Variants in CDH1 observed in about 807,000 individuals in gnomAD.
CDH1 encodes cadherin-1.
CDH1 carries 35 observed loss-of-function variants against 84.5 expected under a neutral mutation model. The observed-to-expected ratio is 0.41, with a 90% CI of 0.32 to 0.55. CDH1 has a LOEUF of 0.55. Among genes scored for constraint, CDH1 ranks in the 20% least tolerant of loss-of-function variants. The pLI is 0.19. For missense variants in CDH1, 994 were observed against 1,126.6 expected (o/e 0.88, Z 1.68); for synonymous variants, 417 against 439.0 (o/e 0.95, Z 0.63).
chr16:68,813,343 A>G lies in CDH1; in HGVS notation c.1168A>G (p.Asn390Asp), dbSNP rs1555515870. 2 of 1,614,184 alleles carry G rather than the reference A, an allele frequency of 1.2e-6. No homozygotes were observed. Among genetic ancestry groups the G allele is most frequent in the Admixed American group, 3.3e-5 (2 of 60,012 alleles). ...YKGQVPENEA[N>D]VVITTLKVTD... ...GGGTCAGGTGCCTGAGAACGAGGCT[A>G]ACGTCGTAATCACCACACTGAAAGT... is the stretch of plus-strand genomic sequence containing the variant. The change falls in exon 9 of 16, where the codon AAC (asparagine) becomes GAC (aspartate). Residue 390 changes from asparagine to aspartate, a missense_variant. Physicochemically the swap from Asn to Asp is conservative, Grantham distance 23. Around this residue, in one of 3 missense-constraint regions of CDH1, gnomAD observed 769 missense variants for 881.8 expected, o/e 0.87. Transcript: ENST00000261769.
intron 2 of CDH1, among the ~76,000 whole-genome samples, chr16:68,743,331 CT>C (rs1555510210): frequency 1.2e-4 from 3 of 25,084 alleles, no homozygotes. Flanking sequence ...TTCTTTCTTT[CT>C]TTCTTTCTTT....
At chr16:68,763,766 A>C (rs983861626) in intron 2 of CDH1, among the ~76,000 whole-genome samples, 1 of 152,244 alleles carries the variant, frequency 6.6e-6, no homozygotes, top group Admixed American at 6.5e-5. Flanking sequence ...CCAAGGAAAC[A>C]GTTCTCTGTC....
intron 10 of CDH1, 28 bp downstream of exon 10, chr16:68,815,787 T>G: frequency 6.2e-7 from 1 of 1,613,128 alleles, no homozygotes; most frequent in Non-Finnish European, 8.5e-7. Context: ...TCAACTGACT[T>G]GCAGCAACTG....
At position 68,825,858 on chromosome 16, in the gene CDH1, G is replaced by T. The variant is rs1313298659; in HGVS notation, c.2164+2232G>T. Among the ~76,000 whole-genome samples, 4 of 143,106 alleles carry T rather than the reference G, an allele frequency of 2.8e-5. No homozygotes were observed. In the South Asian group the frequency reaches 8.7e-4, roughly 31 times the overall value. The allele number at this position is 143,106 out of a possible 152,430, so 93.9% of individuals were successfully genotyped here. On this transcript the variant is annotated intron_variant, in intron 13 of 15. Coordinates refer to ENST00000261769, the MANE Select transcript of CDH1 (RefSeq NM_004360.5). ...AAGTTCTCATTCTGTGGGCCCGGCT[G>T]GAGTGCAGTGGAGTGATCTCAGATC...
intron 2 of CDH1, among the ~76,000 whole-genome samples, chr16:68,788,340 A>G (rs1960120735): frequency 6.6e-6 from 1 of 152,190 alleles, no homozygotes; most frequent in African/African-American, 2.4e-5. Context: ...GTACAGTTAG[A>G]TAATTTTTAT....
At position 68,815,693 on chromosome 16, in the gene CDH1, G is replaced by A. The variant is rs2152135036; in HGVS notation, c.1499G>A (p.Gly500Asp). The change falls in exon 10 of 16, where the codon GGC becomes GAC. Residue 500 changes from glycine to aspartate, a missense_variant. Around this residue, in one of 3 missense-constraint regions of CDH1, gnomAD observed 769 missense variants for 881.8 expected, o/e 0.87. Coordinates refer to ENST00000261769, the MANE Select transcript of CDH1 (RefSeq NM_004360.5). ...EKRVEVSEDF[G>D]VGQEITSYTA... is the part of the protein sequence containing the mutation. ...AGAGTGGAAGTGTCCGAGGACTTTG[G>A]CGTGGGCCAGGAAATCACATCCTAC... 6.2e-7 allele frequency: 1 copy of A among 1,614,226 alleles called. No individual in the cohort carries two copies. Among genetic ancestry groups the A allele is most frequent in the African/African-American group, 1.3e-5 (1 of 75,068 alleles).
intron 2 of CDH1, among the ~76,000 whole-genome samples, chr16:68,745,041 C>T (rs1355624722): frequency 6.6e-6 from 1 of 152,002 alleles, no homozygotes; most frequent in African/African-American, 2.4e-5. Flanking sequence ...TCAGGGTGGA[C>T]CGGAACGGGT....
intron 2 of CDH1, among the ~76,000 whole-genome samples, chr16:68,763,772 C>T (rs1260939752): frequency 6.6e-6 from 1 of 152,230 alleles, no homozygotes. Context: ...AAACAGTTCT[C>T]TGTCTTTAAT....
intron 2 of CDH1, among the ~76,000 whole-genome samples, chr16:68,755,264 C>G (rs1389988391): frequency 9.1e-6 from 1 of 109,986 alleles, no homozygotes; most frequent in Non-Finnish European, 1.7e-5. Context: ...GCCTGGGTGA[C>G]AGGGCAAGAC....
At chr16:68,823,258 A>T (rs1961217809) in intron 12 of CDH1, 141 bp from the exon 13 acceptor site, 1 of 643,000 alleles carries the variant, frequency 1.6e-6, no homozygotes, top group East Asian at 2.7e-5. Context: ...AAAAAAAAGT[A>T]CATACCTAAA....
At chr16:68,746,997 G>C (rs545006747) in intron 2 of CDH1, among the ~76,000 whole-genome samples, 138 of 152,280 alleles carry the variant, frequency 9.1e-4, no homozygotes, top group African/African-American at 3.2e-3. Flanking sequence ...GGGTGTGGGA[G>C]TGGGGGACCC....
chr16:68,820,997 A>G (rs1207042001), intron 11 of CDH1, among the ~76,000 whole-genome samples: 1 of 152,174 alleles, frequency 6.6e-6, no homozygotes, highest in African/African-American at 2.4e-5. Context: ...TTTACATGAG[A>G]AAAAAGTTTT....
chr16:68,795,487 T>TTTTG (rs571242910), intron 2 of CDH1, among the ~76,000 whole-genome samples: 2 of 152,022 alleles, frequency 1.3e-5, no homozygotes, highest in African/African-American at 4.8e-5. Flanking sequence ...TCTCTGATTT[T>TTTTG]TTTGTTTGTT....
intron 2 of CDH1, among the ~76,000 whole-genome samples, chr16:68,760,091 TTTTTTTTTTTTA>T (rs1483769339): frequency 6.8e-6 from 1 of 147,666 alleles, no homozygotes; most frequent in Non-Finnish European, 1.5e-5. Context: ...TATATATTTT[TTTTTTTTTTTTA>T]ATTTTTTTTT....
rs1961556512 is a variant in CDH1, at chr16:68,833,665, C to T, written c.*166C>T. The T allele has an allele frequency of 1.6e-6, 1 of 626,866 alleles. No individual in the cohort carries two copies. Among genetic ancestry groups the T allele is most frequent in the African/African-American group, 1.9e-5 (1 of 53,806 alleles). The allele number at this position is 626,866 out of a possible 1,614,324, so 38.8% of individuals were successfully genotyped here. On this transcript the variant is annotated 3_prime_UTR_variant, in exon 16 of 16. Coordinates refer to ENST00000261769, the MANE Select transcript of CDH1 (RefSeq NM_004360.5). Reference sequence around the variant, plus strand: ...TTTATACTCTCTCCACTTTATAGCTCTAATAAGTTTGTGTTAGAAAAGTTT... The same window carrying T: ...TTTATACTCTCTCCACTTTATAGCTTTAATAAGTTTGTGTTAGAAAAGTTT...
chr16:68,812,087 GTGGCTAGTGTTCC>G, intron 7 of CDH1, 35 bp from the exon 8 acceptor site: 1 of 1,613,540 alleles, frequency 6.2e-7, no homozygotes, highest in East Asian at 2.2e-5. Flanking sequence ...TAGGCCAAAG[GTGGCTAGTGTTCC>G]TGGTCCTGAC....
At chr16:68,809,928 G>T (rs1009065623) in intron 5 of CDH1, among the ~76,000 whole-genome samples, 1 of 152,216 alleles carries the variant, frequency 6.6e-6, no homozygotes, top group Non-Finnish European at 1.5e-5. Context: ...TTTCAGGCCC[G>T]CATCTTCATC....
chr16:68,766,714 G>T (rs1959399008), intron 2 of CDH1, among the ~76,000 whole-genome samples: 2 of 145,030 alleles, frequency 1.4e-5, no homozygotes, highest in South Asian at 4.6e-4. Flanking sequence ...GTTACTTTGT[G>T]GGAGTAGTAA....
intron 2 of CDH1, among the ~76,000 whole-genome samples, chr16:68,794,140 C>CTCT (rs1960290079): frequency 1.3e-5 from 2 of 152,054 alleles, no homozygotes; most frequent in African/African-American, 4.8e-5. Flanking sequence ...TCAAGCAAAC[C>CTCT]TCTTGTCTCA....
Sources: gnomAD v4.1 joint callset for allele counts (sites outside exome capture counted in the v4.1 genomes callset) on GRCh38, gnomAD v4.1.1 for gene constraint, gnomAD v4.1.1 regional missense constraint, MANE v1.5 for transcripts, NCBI Gene and HGNC (gene_info 2026-07-23, HGNC 2026-07-21) for gene names.